The following PARD3 variants were observed in gnomAD, a reference collection of about 807,000 sequenced individuals.
PARD3 encodes par-3 family cell polarity regulator, also known as partitioning defective 3 homolog.
Under a neutral mutation model 155.4 loss-of-function variants are expected in PARD3, and 75 were observed. That is an observed-to-expected ratio of 0.48 (90% CI 0.40 to 0.58). The LOEUF (loss-of-function observed/expected upper bound fraction) is 0.58. PARD3 is among the 20% of genes least tolerant of loss of function. The pLI, the probability that PARD3 is intolerant of heterozygous loss-of-function variation, is 0.00. For missense variants in PARD3, 1,642 were observed against 1,721.7 expected (o/e 0.95, Z 0.82); for synonymous variants, 576 against 610.5 (o/e 0.94, Z 0.83).
At chr10:34,477,665 T>G (rs1390418234) in intron 3 of PARD3, among the ~76,000 whole-genome samples, 1 of 152,240 alleles carries the variant, frequency 6.6e-6, no homozygotes, top group East Asian at 1.9e-4. Context: ...TCTCATCAAC[T>G]TGCCCAATGT....
At chr10:34,136,516 G>C (rs1184366719) in intron 22 of PARD3, among the ~76,000 whole-genome samples, 1 of 152,098 alleles carries the variant, frequency 6.6e-6, no homozygotes, top group Non-Finnish European at 1.5e-5. Flanking sequence ...AAAGTAAGGT[G>C]GTCTCGGTAT....
chr10:34,541,296 T>G (rs2083595991), intron 2 of PARD3, among the ~76,000 whole-genome samples: 1 of 152,210 alleles, frequency 6.6e-6, no homozygotes, highest in Non-Finnish European at 1.5e-5. Flanking sequence ...GAACTTCCAG[T>G]GTGCTTAAGA....
intron 1 of PARD3, among the ~76,000 whole-genome samples, chr10:34,814,563 G>A (rs996344940): frequency 2.0e-5 from 3 of 151,920 alleles, no homozygotes; most frequent in Non-Finnish European, 4.4e-5. Context: ...TGCAGACTCC[G>A]GGGAGGCGCC....
At chr10:34,163,944 G>A (rs1949402465) in intron 22 of PARD3, among the ~76,000 whole-genome samples, 1 of 152,134 alleles carries the variant, frequency 6.6e-6, no homozygotes, top group African/African-American at 2.4e-5. Context: ...AGGTAACAAG[G>A]AGCAAAGTAA....
chr10:34,777,317 C>G lies in PARD3; in HGVS notation c.120+37559G>C, dbSNP rs1839707842. Among the ~76,000 whole-genome samples the G allele has an allele frequency of 2.0e-5, 3 of 152,182 alleles. No homozygotes were observed. The South Asian group carries it at 6.2e-4, about 32-fold the overall frequency. On this transcript the variant is annotated intron_variant, in intron 1 of 24. Transcript: ENST00000374788. ...CCCTGGTGGACTCAGCCAGATCTGC[C>G]TCAGATGTCAATTTCCCTGGCTGGT... is the stretch of plus-strand genomic sequence containing the variant.
chr10:34,398,978 CA>C (rs913013611), intron 7 of PARD3, among the ~76,000 whole-genome samples: 1 of 151,952 alleles, frequency 6.6e-6, no homozygotes, highest in East Asian at 1.9e-4. Flanking sequence ...TAAGCTTTCC[CA>C]AAAAAAGTGC....
chr10:34,447,804 C>CAAAAAAA (rs59698806), intron 5 of PARD3, among the ~76,000 whole-genome samples: 3 of 143,586 alleles, frequency 2.1e-5, no homozygotes, highest in Non-Finnish European at 1.5e-5. Context: ...GACTCTGTCT[C>CAAAAAAA]AAAAGAAAGA....
intron 3 of PARD3, among the ~76,000 whole-genome samples, chr10:34,489,216 T>C (rs531338167): frequency 2.0e-5 from 3 of 152,280 alleles, no homozygotes; most frequent in Non-Finnish European, 4.4e-5. Context: ...TGCATGCCTG[T>C]AGTCTCAGCT....
intron 1 of PARD3, among the ~76,000 whole-genome samples, chr10:34,807,735 C>T (rs117343503): frequency 0.016 from 2,410 of 151,700 alleles, 22 homozygotes; most frequent in South Asian, 0.03. Flanking sequence ...GAATAGAGTA[C>T]AGAGACTATA....
At chr10:34,674,740 G>C (rs937785816) in intron 2 of PARD3, among the ~76,000 whole-genome samples, 1 of 151,994 alleles carries the variant, frequency 6.6e-6, no homozygotes, top group Non-Finnish European at 1.5e-5. Context: ...ACCTGTCTCG[G>C]CCTCCCAAAG....
At chr10:34,315,927 C>T (rs1414367238) in intron 20 of PARD3, among the ~76,000 whole-genome samples, 1 of 152,160 alleles carries the variant, frequency 6.6e-6, no homozygotes, top group African/African-American at 2.4e-5. Context: ...GTTAACTCTC[C>T]TTCTTCTATG....
intron 2 of PARD3, among the ~76,000 whole-genome samples, chr10:34,664,697 G>A (rs1195178477): frequency 1.3e-5 from 2 of 152,104 alleles, no homozygotes; most frequent in African/African-American, 4.8e-5. Flanking sequence ...TGTTGGCCAG[G>A]CTGGTCTCGA....
At chr10:34,214,434 C>T (rs1951903194) in intron 22 of PARD3, among the ~76,000 whole-genome samples, 1 of 152,108 alleles carries the variant, frequency 6.6e-6, no homozygotes, top group Admixed American at 6.5e-5. Flanking sequence ...TGGTTTTGAG[C>T]AACATAAGCA....
intron 5 of PARD3, among the ~76,000 whole-genome samples, chr10:34,420,712 C>A (rs975030872): frequency 1.3e-5 from 2 of 152,134 alleles, no homozygotes; most frequent in African/African-American, 4.8e-5. Flanking sequence ...CACTTGCATG[C>A]ACAAATAGAA....
intron 2 of PARD3, among the ~76,000 whole-genome samples, chr10:34,648,096 C>T (rs1484445653): frequency 6.6e-6 from 1 of 152,192 alleles, no homozygotes; most frequent in East Asian, 1.9e-4. Flanking sequence ...GATCGCCATG[C>T]GGCCTGCACA....
At chr10:34,535,845 A>T (rs917166460) in intron 2 of PARD3, among the ~76,000 whole-genome samples, 7 of 152,336 alleles carry the variant, frequency 4.6e-5, no homozygotes, top group African/African-American at 1.7e-4. Context: ...GGCTTTAAAA[A>T]GCCAAATCTG....
At chr10:34,532,826 T>A (rs1199740300) in intron 2 of PARD3, among the ~76,000 whole-genome samples, 1 of 152,210 alleles carries the variant, frequency 6.6e-6, no homozygotes, top group South Asian at 2.1e-4. Flanking sequence ...GTTGTTCTAC[T>A]CCATTTTTCT....
intron 2 of PARD3, among the ~76,000 whole-genome samples, chr10:34,650,814 C>A (rs569546277): frequency 6.6e-6 from 1 of 152,128 alleles, no homozygotes; most frequent in East Asian, 1.9e-4. Context: ...GAGTTCAAGA[C>A]CAGCCTGACC....
rs566661334 is a variant in PARD3, at chr10:34,164,249, T to G, written c.3420-32666A>C. On this transcript the variant is annotated intron_variant, in intron 22 of 24. Transcript: ENST00000374788. ...TTGAAAGATGAATAGGAAAGTTTGT[T>G]TATTTCCAAGGTGAACTTTAATCAA... 2.6e-5 allele frequency among the ~76,000 whole-genome samples: 4 copies of G among 152,346 alleles called. No individual in the cohort carries two copies. In the South Asian group the frequency reaches 8.3e-4, roughly 32 times the overall value.
Sources: gnomAD v4.1 joint callset for allele counts (sites outside exome capture counted in the v4.1 genomes callset) on GRCh38, gnomAD v4.1.1 for gene constraint, MANE v1.5 for transcripts, NCBI Gene and HGNC (gene_info 2026-07-23, HGNC 2026-07-21) for gene names.